RGSL1: variants seen among roughly 807,000 people sequenced by gnomAD.
RGSL1 encodes the protein regulator of G protein signaling like 1.
A neutral mutation model predicts 124.7 loss-of-function variants in RGSL1; 97 were observed. The ratio of observed to expected loss-of-function variants is 0.78; its 90% CI spans 0.66 to 0.92. RGSL1 has a LOEUF of 0.92. Ranked by LOEUF, RGSL1 falls within the 40% of genes least tolerant of loss-of-function variation. RGSL1 has a pLI of 0.00. For synonymous variants in RGSL1, 424 were observed against 438.1 expected, an observed-to-expected ratio of 0.97 and a Z score of 0.40; for missense variants, 1,233 against 1,288.4, an observed-to-expected ratio of 0.96 and a Z score of 0.66.
intron 16 of RGSL1, 73 bp downstream of exon 16, chr1:182,548,528 A>G: frequency 2.0e-6 from 3 of 1,538,306 alleles, no homozygotes; most frequent in Non-Finnish European, 2.6e-6. Flanking sequence ...TTAGAAAGCT[A>G]ATTGTCAGGC....
intron 9 of RGSL1, among the ~76,000 whole-genome samples, chr1:182,508,668 ATTTGTTTTT>A (rs1553266378): frequency 0.041 from 5,495 of 134,242 alleles, 155 homozygotes; most frequent in African/African-American, 0.082. Flanking sequence ...CCTATTGACT[ATTTGTTTTT>A]TTTTTTTTTT....
chr1:182,457,254 G>A (rs1362103097), intron 2 of RGSL1, among the ~76,000 whole-genome samples: 1 of 152,180 alleles, frequency 6.6e-6, no homozygotes, highest in Non-Finnish European at 1.5e-5. Context: ...GGCCTGATGT[G>A]TTTTCCACAT....
chr1:182,506,344 T>C (rs1656804075), intron 9 of RGSL1, among the ~76,000 whole-genome samples: 1 of 152,188 alleles, frequency 6.6e-6, no homozygotes, highest in South Asian at 2.1e-4. Flanking sequence ...GTGGTTTTCA[T>C]TGCTATCAGT....
Position 182,553,559 on chromosome 1 carries a change from C to T in RGSL1, c.3130+18C>T. On this transcript the variant is annotated intron_variant, in intron 19 of 21. Coordinates refer to ENST00000294854, the MANE Select transcript of RGSL1 (RefSeq NM_001137669.2). Reference sequence around the variant, plus strand: ...TCAAAATTGTGAGTTGGAATTGGATCCCCACTGATAGTTTGCTACTCAATC... The same window carrying T: ...TCAAAATTGTGAGTTGGAATTGGATTCCCACTGATAGTTTGCTACTCAATC... The T allele has an allele frequency of 6.5e-7, 1 of 1,547,422 alleles. No homozygotes were observed. Among genetic ancestry groups the T allele is most frequent in the Non-Finnish European group, 8.7e-7 (1 of 1,143,230 alleles).
chr1:182,503,860 A>G (rs181985527), intron 9 of RGSL1, among the ~76,000 whole-genome samples: 226 of 152,180 alleles, frequency 1.5e-3, no homozygotes, highest in African/African-American at 5.3e-3. Context: ...AAAACATCTT[A>G]TGTATCCCAT....
At chr1:182,449,369 C>T (rs578209065), upstream of RGSL1, 2 of 152,136 alleles carry the variant, frequency 1.3e-5, no homozygotes, top group African/African-American at 4.8e-5. Flanking sequence ...CCCTCCACCC[C>T]CCATAGGAAA....
At chr1:182,463,634 T>C (rs1653037075) in intron 4 of RGSL1, among the ~76,000 whole-genome samples, 1 of 152,208 alleles carries the variant, frequency 6.6e-6, no homozygotes, top group Non-Finnish European at 1.5e-5. Context: ...AGGACATTAC[T>C]TGTTAATGCA....
intron 11 of RGSL1, among the ~76,000 whole-genome samples, chr1:182,527,983 T>G (rs1658879986): frequency 6.6e-6 from 1 of 152,164 alleles, no homozygotes; most frequent in African/African-American, 2.4e-5. Context: ...ATTAATCCGT[T>G]CTCACACTGC....
At chr1:182,484,552 GC>G (rs1348619727) in intron 6 of RGSL1, among the ~76,000 whole-genome samples, 1 of 152,206 alleles carries the variant, frequency 6.6e-6, no homozygotes, top group African/African-American at 2.4e-5. Flanking sequence ...GGCGTGTGAA[GC>G]TTTGGCTTCA....
At chr1:182,526,627 G>A (rs1047662702) in intron 10 of RGSL1, among the ~76,000 whole-genome samples, 11 of 152,128 alleles carry the variant, frequency 7.2e-5, no homozygotes, top group Non-Finnish European at 1.3e-4. Context: ...AGCTGTGTTC[G>A]TGTCACTGCA....
At chr1:182,460,561 C>T (rs533235248) in intron 4 of RGSL1, 50 of 439,912 alleles carry the variant, frequency 1.1e-4, no homozygotes, top group Non-Finnish European at 1.8e-4. Flanking sequence ...AATTTCTTAC[C>T]TAGTTAATGA....
intron 12 of RGSL1, 131 bp downstream of exon 12, chr1:182,530,492 C>A: frequency 2.7e-6 from 2 of 743,796 alleles, no homozygotes; most frequent in Non-Finnish European, 2.1e-6. Flanking sequence ...AATAAAAATT[C>A]AAACTTATCT....
At chr1:182,480,996 A>T (rs1654663885) in intron 6 of RGSL1, among the ~76,000 whole-genome samples, 1 of 152,194 alleles carries the variant, frequency 6.6e-6, no homozygotes, top group Admixed American at 6.5e-5. Context: ...AAATGCCTAC[A>T]TTAAAAAAGA....
chr1:182,558,489 G>A (rs147583397), intron 21 of RGSL1, among the ~76,000 whole-genome samples: 8 of 152,312 alleles, frequency 5.3e-5, no homozygotes, highest in Admixed American at 1.3e-4. Context: ...ACATCAGGGT[G>A]TCAGGAAGGC....
chr1:182,505,026 C>T lies in RGSL1; in HGVS notation c.1825+11897C>T, dbSNP rs187709711. 7.2e-5 allele frequency among the ~76,000 whole-genome samples: 11 copies of T among 152,246 alleles called. No individual in the cohort carries two copies. In the East Asian group the frequency reaches 1.5e-3, roughly 21 times the overall value. On this transcript the variant is annotated intron_variant, in intron 9 of 21. Coordinates refer to ENST00000294854, the MANE Select transcript of RGSL1 (RefSeq NM_001137669.2). ...TGGTATACATACAAGCTTTGAAAAC[C>T]CTTATTACCCCATATGTATCCTTCC...
intron 4 of RGSL1, among the ~76,000 whole-genome samples, chr1:182,470,932 C>T (rs1653781796): frequency 6.6e-6 from 1 of 152,058 alleles, no homozygotes; most frequent in Non-Finnish European, 1.5e-5. Context: ...AAATCACCTG[C>T]TATATTCAAC....
chr1:182,517,444 A>T lies in RGSL1; in HGVS notation c.1826-4560A>T, dbSNP rs1170649252. On this transcript the variant is annotated intron_variant, in intron 9 of 21. Transcript: ENST00000294854. ...AAGTTTTGGAAAGTTTTCAATTATT[A>T]TTTTTTTTTAAATAAATCTTCTATC... Among the ~76,000 whole-genome samples the T allele has an allele frequency of 8.7e-5, 3 of 34,408 alleles. No homozygotes were observed. In the East Asian group the frequency reaches 9.9e-4, roughly 11 times the overall value. 22.6% of individuals were successfully genotyped at this position (34,408 alleles called of 152,430 possible).
chr1:182,536,455 C>G (rs1659546264), intron 14 of RGSL1, among the ~76,000 whole-genome samples: 1 of 152,174 alleles, frequency 6.6e-6, no homozygotes, highest in Non-Finnish European at 1.5e-5. Context: ...TCCTCACCAA[C>G]CTTTGGTATT....
intron 3 of RGSL1, 142 bp from the exon 4 acceptor site, chr1:182,459,862 A>G: frequency 1.0e-6 from 1 of 978,298 alleles, no homozygotes. Context: ...CCAGGTTTAT[A>G]GAAATTGTTT....
Sources: gnomAD v4.1 joint callset for allele counts (sites outside exome capture counted in the v4.1 genomes callset) on GRCh38, gnomAD v4.1.1 for gene constraint, MANE v1.5 for transcripts, NCBI Gene and HGNC (gene_info 2026-07-23, HGNC 2026-07-21) for gene names.